PTPN21: variants seen among roughly 807,000 people sequenced by gnomAD.
The protein encoded by PTPN21 is tyrosine-protein phosphatase non-receptor type 21.
Under a neutral mutation model 131.8 loss-of-function variants are expected in PTPN21, and 77 were observed. The observed-to-expected ratio is 0.58, with a 90% CI of 0.49 to 0.71. PTPN21 has a LOEUF of 0.71. Ranked by LOEUF, PTPN21 falls within the 30% of genes least tolerant of loss-of-function variation. The pLI, the probability that PTPN21 is intolerant of heterozygous loss-of-function variation, is 0.00. For synonymous variants in PTPN21, 715 were observed against 621.3 expected (o/e 1.15, Z -2.24); for missense variants, 1,552 against 1,527.1 (o/e 1.02, Z -0.27).
At chr14:88,514,636 G>A (rs2077445292) in intron 3 of PTPN21, among the ~76,000 whole-genome samples, 1 of 151,768 alleles carries the variant, frequency 6.6e-6, no homozygotes, top group African/African-American at 2.4e-5. Context: ...GACATATTTT[G>A]TATTTTTAGT....
At chr14:88,520,427 C>T (rs1005190309) in intron 2 of PTPN21, among the ~76,000 whole-genome samples, 2 of 151,354 alleles carry the variant, frequency 1.3e-5, no homozygotes, top group Non-Finnish European at 2.9e-5. Context: ...AAAAAAAATC[C>T]TTGACAAGCT....
At chr14:88,484,513 T>C (rs947837244) in intron 12 of PTPN21, among the ~76,000 whole-genome samples, 3 of 152,124 alleles carry the variant, frequency 2.0e-5, no homozygotes, top group African/African-American at 7.2e-5. Flanking sequence ...CTTTGTCAGA[T>C]AGCAAAGAAG....
At chr14:88,513,166 TTTTTG>T (rs1343612813) in intron 3 of PTPN21, among the ~76,000 whole-genome samples, 1 of 152,158 alleles carries the variant, frequency 6.6e-6, no homozygotes, top group Non-Finnish European at 1.5e-5. Context: ...TGTATTCTTT[TTTTTG>T]TTTTGTTTTG....
chr14:88,483,422 G>A lies in PTPN21; in HGVS notation c.1078+1654C>T, dbSNP rs2077682386. Among the ~76,000 whole-genome samples, 3 of 152,040 alleles carry A rather than the reference G, an allele frequency of 2.0e-5. No homozygotes were observed. In the South Asian group the frequency reaches 6.2e-4, roughly 32 times the overall value. On this transcript the variant is annotated intron_variant, in intron 12 of 18. Coordinates refer to ENST00000556564, the MANE Select transcript of PTPN21 (RefSeq NM_007039.4). The stretch of plus-strand genomic sequence containing the variant: ...CCAGACAAGGGCAGGGTGCAAGAGG[G>A]AGGAAATACAAGAACATGGTGAGGG...
At chr14:88,489,187 A>G (rs1366880004) in intron 10 of PTPN21, among the ~76,000 whole-genome samples, 2 of 152,194 alleles carry the variant, frequency 1.3e-5, no homozygotes, top group African/African-American at 4.8e-5. Flanking sequence ...CAAATGAGTG[A>G]CTAACAAGTG....
Position 88,473,697 on chromosome 14 carries a change from C to T in PTPN21, c.2617G>A (p.Glu873Lys), listed in dbSNP as rs1202808387. 3.1e-6 allele frequency: 5 copies of T among 1,613,320 alleles called. No individual in the cohort carries two copies. Among genetic ancestry groups the T allele is most frequent in the Middle Eastern group, 1.7e-4 (1 of 6,060 alleles). The change falls in exon 14 of 19, where the codon GAA (glutamate) becomes AAA (lysine). Residue 873 changes from glutamate to lysine, a missense_variant. Around this residue, in one of 4 missense-constraint regions of PTPN21, gnomAD observed 316 missense variants for 378.5 expected, o/e 0.83. Transcript: ENST00000556564. ...SRVPLPDEGK[E>K]VATRATNDER... ...TCATTCGTTGCTCTGGTAGCCACTT[C>T]CTTTCCTTCATCAGGCAGAGGCACT...
At chr14:88,476,889 G>A (rs1281773557) in intron 13 of PTPN21, among the ~76,000 whole-genome samples, 2 of 152,166 alleles carry the variant, frequency 1.3e-5, no homozygotes, top group East Asian at 1.9e-4. Context: ...TCTTTTAAGA[G>A]AACCAAATTG....
At chr14:88,540,423 GAAAC>G (rs1038322281) in intron 2 of PTPN21, among the ~76,000 whole-genome samples, 78 of 152,296 alleles carry the variant, frequency 5.1e-4, no homozygotes, top group African/African-American at 1.8e-3. Context: ...ACATACAAAA[GAAAC>G]AAATCCCAGG....
intron 4 of PTPN21, among the ~76,000 whole-genome samples, chr14:88,507,274 G>GT (rs1275090090): frequency 6.6e-6 from 1 of 152,204 alleles, no homozygotes; most frequent in Admixed American, 6.5e-5. Context: ...ACATAGCATA[G>GT]TATTAATAAA....
intron 10 of PTPN21, among the ~76,000 whole-genome samples, chr14:88,487,082 T>C (rs570536330): frequency 6.6e-6 from 1 of 152,038 alleles, no homozygotes; most frequent in Admixed American, 6.6e-5. Context: ...GTTCTATCTT[T>C]AAAAAAACAA....
At chr14:88,509,245 G>C (rs1034255832) in intron 3 of PTPN21, among the ~76,000 whole-genome samples, 1 of 152,130 alleles carries the variant, frequency 6.6e-6, no homozygotes, top group Non-Finnish European at 1.5e-5. Context: ...TCTAGATGCT[G>C]GGGATACCGT....
At chr14:88,494,882 A>T (rs1241817336) in intron 10 of PTPN21, among the ~76,000 whole-genome samples, 1 of 151,524 alleles carries the variant, frequency 6.6e-6, no homozygotes, top group African/African-American at 2.4e-5. Flanking sequence ...GCGTGGTGGC[A>T]TGTGCCTGTA....
Position 88,480,235 on chromosome 14 carries a change from C to G in PTPN21, c.1196G>C (p.Ser399Thr), listed in dbSNP as rs781463760. ...CTGAGGATTATTTAAGGAGTTGGTG[C>G]TGTGTGCACTGTAGACACTGCCATT... ...IRNGSVYSAHSTNSLNNPQPY... is the reference protein window; with the variant it reads ...IRNGSVYSAHTTNSLNNPQPY... Residue 399 changes from serine (S) to threonine (T), a missense_variant, in exon 13 of 19, where the codon AGC becomes ACC. Around this residue, in one of 4 missense-constraint regions of PTPN21, gnomAD observed 1,016 missense variants for 883.5 expected, o/e 1.15. Coordinates refer to ENST00000556564, the MANE Select transcript of PTPN21 (RefSeq NM_007039.4). 11 of 1,614,058 alleles carry G rather than the reference C, an allele frequency of 6.8e-6. No homozygotes were observed. The highest frequency in any genetic ancestry group is 4.2e-6 in the Non-Finnish European group (5 of 1,179,922).
At chr14:88,539,024 A>G (rs1267189167) in intron 2 of PTPN21, among the ~76,000 whole-genome samples, 1 of 151,690 alleles carries the variant, frequency 6.6e-6, no homozygotes, top group East Asian at 1.9e-4. Context: ...AGTAGAGGAG[A>G]TCCTACACTT....
At position 88,479,457 on chromosome 14, in the gene PTPN21, G is replaced by A. The variant is rs376077243; in HGVS notation, c.1974C>T (p.Ser658=). 3 of 1,602,494 alleles carry A rather than the reference G, an allele frequency of 1.9e-6. No homozygotes were observed. Among genetic ancestry groups the A allele is most frequent in the Admixed American group, 3.3e-5 (2 of 59,752 alleles). ...EGLRLKERTL[S]ASAAEVAPRA... ...GCGGCGCCACCTCTGCCGCCGACGC[G>A]GATAGGGTGCGCTCCTTGAGCCGCA... Residue 658 remains serine, a synonymous_variant, in exon 13 of 19, where the codon TCC becomes TCT. Coordinates refer to ENST00000556564, the MANE Select transcript of PTPN21 (RefSeq NM_007039.4).
chr14:88,545,301 A>C (rs965231424), intron 2 of PTPN21, among the ~76,000 whole-genome samples: 1 of 152,142 alleles, frequency 6.6e-6, no homozygotes, highest in Non-Finnish European at 1.5e-5. Flanking sequence ...ACTGCTTATA[A>C]ATTACTAAAC....
intron 10 of PTPN21, among the ~76,000 whole-genome samples, chr14:88,495,090 G>GCTGA: frequency 6.7e-6 from 1 of 148,828 alleles, no homozygotes; most frequent in South Asian, 2.1e-4. Flanking sequence ...GATCATTCTG[G>GCTGA]CTGACATATG....
At chr14:88,489,472 T>C (rs1456036328) in intron 10 of PTPN21, among the ~76,000 whole-genome samples, 1 of 151,334 alleles carries the variant, frequency 6.6e-6, no homozygotes, top group Non-Finnish European at 1.5e-5. Context: ...AGACCCCATC[T>C]CTAAAAAACT....
intron 3 of PTPN21, chr14:88,513,579 T>TGG (rs1396609355): frequency 1.3e-4 from 20 of 152,332 alleles, no homozygotes; most frequent in African/African-American, 4.6e-4. Flanking sequence ...ATGTCCTCTT[T>TGG]TGCAAGTAAA....
Sources: allele counts gnomAD v4.1 joint callset (sites outside exome capture counted in the v4.1 genomes callset), GRCh38; gene constraint gnomAD v4.1.1; regional missense constraint gnomAD v4.1.1; transcripts MANE v1.5; gene names NCBI Gene and HGNC (gene_info 2026-07-23, HGNC 2026-07-21).